Variants in ABCA10 observed in about 807,000 individuals in gnomAD.
ABCA10 encodes ATP binding cassette subfamily A member 10.
ABCA10 carries 169 observed loss-of-function variants against 187.5 expected under a neutral mutation model. That is an observed-to-expected ratio of 0.90 (90% CI 0.80 to 1.02). The LOEUF is 1.02. Among genes scored for constraint, ABCA10 ranks in the 50% least tolerant of loss-of-function variants. The probability of loss-of-function intolerance (pLI) is 0.00; values close to 1 mark genes in which losing one functional copy is unlikely to be tolerated. For synonymous variants in ABCA10, 574 were observed against 601.8 expected, an observed-to-expected ratio of 0.95 and a Z score of 0.68; for missense variants, 1,727 against 1,812.4, an observed-to-expected ratio of 0.95 and a Z score of 0.86.
intron 25 of ABCA10, among the ~76,000 whole-genome samples, chr17:69,173,388 C>G (rs1213558619): frequency 6.6e-6 from 1 of 152,128 alleles, no homozygotes; most frequent in Non-Finnish European, 1.5e-5. Flanking sequence ...TTAAATACTA[C>G]TCACAAAGGC....
intron 25 of ABCA10, among the ~76,000 whole-genome samples, chr17:69,166,631 C>A (rs1288367661): frequency 2.0e-5 from 3 of 152,126 alleles, no homozygotes; most frequent in African/African-American, 7.2e-5. Context: ...GGTTAAAGAT[C>A]TAAGGCTGGA....
Position 69,182,235 on chromosome 17 carries a change from A to G in ABCA10, c.2687T>C (p.Leu896Pro). ...AAGGGCATTGCTAACAATTCCCATA[A>G]GAACAGGAAAACAATTCAATTTCTT... ...NTKKLNCFPV[L>P]MGIVSNALMG... Residue 896 changes from leucine (L) to proline (P), a missense_variant, in exon 22 of 39, where the codon CTT (leucine) becomes CCT (proline). Physicochemically the swap from Leu to Pro is moderately conservative, Grantham distance 98. Coordinates refer to ENST00000690296, the MANE Select transcript of ABCA10 (RefSeq NM_001377321.1). 1 of 1,599,080 alleles carries G rather than the reference A, an allele frequency of 6.3e-7. No individual in the cohort carries two copies. Among genetic ancestry groups the G allele is most frequent in the South Asian group, 1.1e-5 (1 of 88,472 alleles).
upstream of ABCA10, among the ~76,000 whole-genome samples, chr17:69,231,129 T>C (rs935945516): frequency 2.6e-5 from 4 of 152,116 alleles, no homozygotes; most frequent in African/African-American, 7.2e-5. Context: ...AAAATCATTG[T>C]CCTATCTGAA....
chr17:69,184,924 C>CAT (rs1428218668), intron 20 of ABCA10, among the ~76,000 whole-genome samples: 18 of 128,254 alleles, frequency 1.4e-4, no homozygotes, highest in Admixed American at 1.2e-3. Flanking sequence ...AATACACACA[C>CAT]ACACACACAC....
chr17:69,185,755 G>C, intron 19 of ABCA10, 112 bp from the exon 20 acceptor site: 4 of 758,382 alleles, frequency 5.3e-6, no homozygotes, highest in Non-Finnish European at 8.1e-6. Flanking sequence ...CATATGTGGT[G>C]TTTAGTTAGA....
At chr17:69,157,245 A>C (rs8071611) in intron 27 of ABCA10, among the ~76,000 whole-genome samples, 84,970 of 152,050 alleles carry the variant, frequency 0.56, 25,277 homozygotes, top group Non-Finnish European at 0.67. Context: ...TTTAGCCCCA[A>C]AGCAACTCTT....
intron 1 of ABCA10, among the ~76,000 whole-genome samples, chr17:69,242,063 A>G (rs2074906133): frequency 6.6e-6 from 1 of 152,234 alleles, no homozygotes; most frequent in African/African-American, 2.4e-5. Flanking sequence ...TGATAACACT[A>G]GAAGCTGAGA....
At chr17:69,200,778 T>C (rs990807135) in intron 10 of ABCA10, among the ~76,000 whole-genome samples, 6 of 151,844 alleles carry the variant, frequency 4.0e-5, no homozygotes, top group African/African-American at 1.2e-4. Context: ...AGTGGCGCCA[T>C]ACTGGCTCAC....
chr17:69,155,689 A>G (rs1393247234), intron 29 of ABCA10, 116 bp downstream of exon 29: 1 of 1,300,270 alleles, frequency 7.7e-7, no homozygotes, highest in East Asian at 2.5e-5. Context: ...TATAAGCTAT[A>G]AATAGAAATA....
intron 6 of ABCA10, 115 bp from the exon 7 acceptor site, chr17:69,216,473 T>C (rs1488055777): frequency 1.7e-6 from 2 of 1,197,416 alleles, no homozygotes; most frequent in Non-Finnish European, 2.3e-6. Flanking sequence ...TTATTCTAAA[T>C]GGGTGGCCAT....
Position 69,174,811 on chromosome 17 carries a change from C to T in ABCA10, c.2878-34G>A, listed in dbSNP as rs1247020136. ...GAATAGAAGGGATAGAGGAAGGGAT[C>T]TTAGTTTGAAAAGATTTTGTGGTTA... On this transcript the variant is annotated intron_variant, in intron 23 of 38. Transcript: ENST00000690296. 2.8e-5 allele frequency: 41 copies of T among 1,479,530 alleles called. No individual in the cohort carries two copies. In the Admixed American group the frequency reaches 9.6e-4, roughly 34 times the overall value. The allele number at this position is 1,479,530 out of a possible 1,614,324, so 91.7% of individuals were successfully genotyped here.
At position 69,148,679 on chromosome 17, in the gene ABCA10, A is replaced by C. The variant is rs2074106314; in HGVS notation, c.*148T>G. Reference sequence around the variant, plus strand: ...ATATTTCCTTGTTTCCTTCATCCTAAATTTTTAAAAATGAAAACTGTAATC... The same window carrying C: ...ATATTTCCTTGTTTCCTTCATCCTACATTTTTAAAAATGAAAACTGTAATC... On this transcript the variant is annotated 3_prime_UTR_variant, in exon 39 of 39. Transcript: ENST00000690296. 1.4e-6 allele frequency: 1 copy of C among 715,426 alleles called. No individual in the cohort carries two copies. Among genetic ancestry groups the C allele is most frequent in the East Asian group, 2.9e-5 (1 of 35,048 alleles). 44.3% of individuals were successfully genotyped at this position (715,426 alleles called of 1,614,324 possible).
intron 34 of ABCA10, 23 bp downstream of exon 34, chr17:69,153,282 C>T: frequency 6.3e-7 from 1 of 1,583,152 alleles, no homozygotes; most frequent in Non-Finnish European, 8.5e-7. Context: ...TTGACTCTGA[C>T]ACTTAATATT....
At chr17:69,230,311 A>C (rs1201182356), upstream of ABCA10, among the ~76,000 whole-genome samples, 2 of 152,124 alleles carry the variant, frequency 1.3e-5, no homozygotes, top group East Asian at 3.9e-4. Flanking sequence ...GTTCTGTTAT[A>C]GCAATAAAAA....
chr17:69,174,626 C>A lies in ABCA10; in HGVS notation c.3029G>T (p.Trp1010Leu). 6.2e-7 allele frequency: 1 copy of A among 1,603,024 alleles called. No individual in the cohort carries two copies. Among genetic ancestry groups the A allele is most frequent in the South Asian group, 1.1e-5 (1 of 88,862 alleles). The change falls in exon 24 of 39, where the codon TGG (tryptophan) becomes TTG (leucine). Residue 1010 changes from tryptophan (W) to leucine (L), a missense_variant. Trp to Leu is a moderately conservative substitution (Grantham distance 61). Transcript: ENST00000690296. The part of the protein sequence containing the change: ...YFIFLGFQLS[W>L]ELMFVLVVCI... The stretch of plus-strand genomic sequence containing the variant: ...ACTTACCAAAACAAACATGAGTTCC[C>A]ATGAAAGCTGGAATCCCAGAAATAT...
chr17:69,195,554 C>CTTTTTT (rs59069489), intron 11 of ABCA10, among the ~76,000 whole-genome samples: 58,462 of 102,158 alleles, frequency 0.57, 16,925 homozygotes, highest in African/African-American at 0.63. Flanking sequence ...TGAAGTTTTT[C>CTTTTTT]TTTTTTTTTT....
intron 36 of ABCA10, among the ~76,000 whole-genome samples, chr17:69,150,864 C>T (rs189379411): frequency 1.7e-4 from 26 of 152,308 alleles, no homozygotes; most frequent in African/African-American, 6.0e-4. Flanking sequence ...CTGGCCAATG[C>T]TGTTCTAGAT....
In ABCA10 at chr17:69,221,358, A is replaced by C. The variant is rs1490819519; in HGVS notation, c.303+434T>G. ...TTTCAAGAAACTTAGCCATTAATAG[A>C]AGGAAGTTAGGGTAGTTGTGTGAAG... On this transcript the variant is annotated intron_variant, in intron 5 of 38. Transcript: ENST00000690296. Among the ~76,000 whole-genome samples, 4 of 152,312 alleles carry C rather than the reference A, an allele frequency of 2.6e-5. No individual in the cohort carries two copies. In the South Asian group the frequency reaches 6.2e-4, roughly 24 times the overall value.
chr17:69,188,074 T>C (rs2074435623), intron 18 of ABCA10, among the ~76,000 whole-genome samples, 195 bp from the exon 19 acceptor site: 2 of 152,228 alleles, frequency 1.3e-5, no homozygotes, highest in South Asian at 4.1e-4. Context: ...AGACAGTAAA[T>C]TAATTTTTGA....
Sources: allele counts gnomAD v4.1 joint callset (sites outside exome capture counted in the v4.1 genomes callset), GRCh38; gene constraint gnomAD v4.1.1; transcripts MANE v1.5; gene names NCBI Gene and HGNC (gene_info 2026-07-23, HGNC 2026-07-21).